Variants in POU2F1 observed in about 807,000 individuals in gnomAD.
POU2F1 encodes the protein POU class 2 homeobox 1.
In POU2F1, 16 loss-of-function variants were observed where a neutral mutation model predicts 84.9. That is an observed-to-expected ratio of 0.19 (90% confidence interval 0.13 to 0.29). POU2F1 has a LOEUF of 0.29. Among genes scored for constraint, POU2F1 ranks in the 10% least tolerant of loss-of-function variants. POU2F1 has a pLI of 1.00. For synonymous variants in POU2F1, 368 were observed against 368.3 expected, an observed-to-expected ratio of 1.00 and a Z score of 0.01; for missense variants, 738 against 942.6, an observed-to-expected ratio of 0.78 and a Z score of 2.84.
intron 1 of POU2F1, among the ~76,000 whole-genome samples, chr1:167,303,762 C>A (rs1422740549): frequency 6.6e-6 from 1 of 152,024 alleles, no homozygotes; most frequent in Non-Finnish European, 1.5e-5. Flanking sequence ...GGGATGCCTG[C>A]GACCCAGCCA....
chr1:167,238,740 CAGTT>C (rs2102363966), intron 1 of POU2F1, among the ~76,000 whole-genome samples: 1 of 152,310 alleles, frequency 6.6e-6, no homozygotes, highest in South Asian at 2.1e-4. Context: ...GTTTTGTTCA[CAGTT>C]AGTACAAGGT....
intron 1 of POU2F1, among the ~76,000 whole-genome samples, chr1:167,287,459 G>A (rs1653613611): frequency 1.3e-5 from 2 of 152,024 alleles, no homozygotes; most frequent in South Asian, 4.1e-4. Flanking sequence ...TAGGAAAAAA[G>A]ACAACATCAG....
intron 8 of POU2F1, among the ~76,000 whole-genome samples, chr1:167,385,106 G>A (rs1010917513): frequency 6.6e-5 from 10 of 151,958 alleles, no homozygotes; most frequent in Non-Finnish European, 1.5e-4. Context: ...GTACTTAGGG[G>A]TAAACAACAA....
chr1:167,333,705 G>A (rs1308176378), intron 2 of POU2F1, among the ~76,000 whole-genome samples: 1 of 152,166 alleles, frequency 6.6e-6, no homozygotes, highest in African/African-American at 2.4e-5. Context: ...CTCTTACTGA[G>A]GCTAGCCAAG....
chr1:167,272,492 T>C (rs1652442957), intron 1 of POU2F1, among the ~76,000 whole-genome samples: 1 of 152,070 alleles, frequency 6.6e-6, no homozygotes. Flanking sequence ...AGAGGTTTAA[T>C]TGGCTCACAG....
intron 11 of POU2F1, among the ~76,000 whole-genome samples, chr1:167,398,526 AT>A (rs974425466): frequency 1.3e-4 from 20 of 152,240 alleles, no homozygotes; most frequent in African/African-American, 4.3e-4. Flanking sequence ...ACTCTAGTAG[AT>A]TGGTTGGTTA....
chr1:167,274,258 T>G (rs1205018135), intron 1 of POU2F1, among the ~76,000 whole-genome samples: 1 of 152,214 alleles, frequency 6.6e-6, no homozygotes, highest in Non-Finnish European at 1.5e-5. Context: ...TGTTTTGCTT[T>G]TAATCTGTTG....
intron 1 of POU2F1, among the ~76,000 whole-genome samples, chr1:167,268,572 G>A (rs986800796): frequency 1.3e-5 from 2 of 152,110 alleles, no homozygotes; most frequent in African/African-American, 2.4e-5. Context: ...GGTTTCTATT[G>A]TTGTCCACAT....
intron 13 of POU2F1, among the ~76,000 whole-genome samples, chr1:167,402,053 T>G (rs1396189622): frequency 6.6e-6 from 1 of 152,260 alleles, no homozygotes; most frequent in African/African-American, 2.4e-5. Context: ...ACTGCACTTC[T>G]CAAAAGATTT....
At chr1:167,389,882 G>A in intron 9 of POU2F1, 121 bp downstream of exon 9, 2 of 1,100,110 alleles carry the variant, frequency 1.8e-6, no homozygotes, top group Non-Finnish European at 2.6e-6. Context: ...TGGGACGGGG[G>A]ACGAAAAAGG....
At chr1:167,339,968 CATT>C (rs1484711877) in intron 2 of POU2F1, among the ~76,000 whole-genome samples, 1 of 152,090 alleles carries the variant, frequency 6.6e-6, no homozygotes, top group African/African-American at 2.4e-5. Context: ...CCTCATGAAA[CATT>C]ATTTTTCTCT....
chr1:167,310,260 A>G (rs1352094176), intron 1 of POU2F1, among the ~76,000 whole-genome samples: 1 of 152,092 alleles, frequency 6.6e-6, no homozygotes, highest in Admixed American at 6.6e-5. Context: ...GAGATCCACA[A>G]CAAAGAACAA....
intron 1 of POU2F1, among the ~76,000 whole-genome samples, chr1:167,256,365 CTTT>C (rs35700112): frequency 6.3e-5 from 8 of 126,652 alleles, no homozygotes; most frequent in Admixed American, 7.9e-5. Context: ...TAAATTTCTT[CTTT>C]TTTTTTTTTT....
At chr1:167,221,381 T>C (rs1258658255) in intron 1 of POU2F1, among the ~76,000 whole-genome samples, 1 of 147,650 alleles carries the variant, frequency 6.8e-6, no homozygotes, top group African/African-American at 2.5e-5. Flanking sequence ...TCATAGCTGC[T>C]GGGCCGGCGG....
intron 1 of POU2F1, chr1:167,241,742 C>T (rs936848394): frequency 2.0e-5 from 3 of 152,176 alleles, no homozygotes; most frequent in African/African-American, 7.2e-5. Flanking sequence ...GTTTAATCTT[C>T]ATGTCAACAC....
At chr1:167,315,911 A>C (rs1374682438) in intron 1 of POU2F1, among the ~76,000 whole-genome samples, 1 of 152,188 alleles carries the variant, frequency 6.6e-6, no homozygotes, top group African/African-American at 2.4e-5. Context: ...ATTGATACAC[A>C]CCAAAGCTTT....
At chr1:167,244,351 T>G (rs944900785) in intron 1 of POU2F1, among the ~76,000 whole-genome samples, 1 of 152,106 alleles carries the variant, frequency 6.6e-6, no homozygotes, top group Admixed American at 6.6e-5. Context: ...AGTTGTTGAC[T>G]GGACTCAGTT....
chr1:167,352,227 A>G (rs567732773), intron 2 of POU2F1, among the ~76,000 whole-genome samples: 3 of 152,232 alleles, frequency 2.0e-5, no homozygotes, highest in Non-Finnish European at 2.9e-5. Flanking sequence ...CTATTTGAAG[A>G]CGTTTTTTGA....
intron 1 of POU2F1, among the ~76,000 whole-genome samples, chr1:167,265,652 G>A (rs1651889859): frequency 6.6e-6 from 1 of 152,078 alleles, no homozygotes; most frequent in Non-Finnish European, 1.5e-5. Flanking sequence ...GTACTCTTAG[G>A]GTTGTGGTTC....
Sources: allele counts gnomAD v4.1 joint callset (sites outside exome capture counted in the v4.1 genomes callset), GRCh38; gene constraint gnomAD v4.1.1; transcripts MANE v1.5; gene names NCBI Gene and HGNC (gene_info 2026-07-23, HGNC 2026-07-21).